The following NDUFB5 variants were observed in gnomAD, a reference collection of about 807,000 sequenced individuals.
The protein encoded by NDUFB5 is NADH:ubiquinone oxidoreductase subunit B5.
A neutral mutation model predicts 19.4 loss-of-function variants in NDUFB5; 19 were observed. The ratio of observed to expected loss-of-function variants is 0.98; its 90% CI spans 0.68 to 1.43. NDUFB5 has a LOEUF of 1.43. NDUFB5 is among the 40% of genes most tolerant of loss of function. The pLI, the probability that NDUFB5 is intolerant of heterozygous loss-of-function variation, is 0.00. For missense variants in NDUFB5, 233 were observed against 236.5 expected (o/e 0.99, Z 0.10); for synonymous variants, 80 against 82.6 (o/e 0.97, Z 0.17).
chr3:179,619,241 A>C (rs1038912210), intron 5 of NDUFB5, among the ~76,000 whole-genome samples: 1 of 138,232 alleles, frequency 7.2e-6, no homozygotes, highest in Non-Finnish European at 1.5e-5. Flanking sequence ...TTTAGGGTAC[A>C]TGTGCACAAC....
intron 3 of NDUFB5, among the ~76,000 whole-genome samples, chr3:179,616,357 A>C (rs529951210): frequency 9.1e-4 from 138 of 152,178 alleles, no homozygotes; most frequent in Non-Finnish European, 1.1e-3. Flanking sequence ...CCTGGCTGAC[A>C]TAGTGAAACC....
At chr3:179,617,162 GCA>G (rs1719403579) in intron 4 of NDUFB5, 118 bp downstream of exon 4, 1 of 714,770 alleles carries the variant, frequency 1.4e-6, no homozygotes, top group Non-Finnish European at 2.3e-6. Flanking sequence ...TTTTGAGACA[GCA>G]TCTCGCTCTG....
intron 4 of NDUFB5, among the ~76,000 whole-genome samples, chr3:179,617,937 T>G (rs1576882980): frequency 6.6e-6 from 1 of 152,244 alleles, no homozygotes; most frequent in Admixed American, 6.5e-5. Flanking sequence ...ATTGTGAGCC[T>G]TGAATGGAGT....
At chr3:179,605,546 A>G (rs1252671711) in intron 1 of NDUFB5, among the ~76,000 whole-genome samples, 1 of 151,656 alleles carries the variant, frequency 6.6e-6, no homozygotes, top group Non-Finnish European at 1.5e-5. Context: ...GCTCACTGCA[A>G]CCTCCGCCTC....
intron 1 of NDUFB5, among the ~76,000 whole-genome samples, chr3:179,612,727 C>T (rs1239148215): frequency 2.0e-5 from 3 of 151,970 alleles, no homozygotes; most frequent in Non-Finnish European, 4.4e-5. Context: ...CCGCCCGCCT[C>T]GGCCTCCCAA....
At chr3:179,613,895 G>C (rs976228938) in intron 1 of NDUFB5, among the ~76,000 whole-genome samples, 1 of 152,188 alleles carries the variant, frequency 6.6e-6, no homozygotes, top group Non-Finnish European at 1.5e-5. Flanking sequence ...TGGGAAAAAT[G>C]TTGGCATCTT....
rs961740435 is a variant in NDUFB5, at chr3:179,623,860, CT to C, written c.450-59del. ...CAGTGATTGTCCTTTATGGAAATGG[CT>C]CATTAAATTTATAATTGGAAGTGCT... is the stretch of plus-strand genomic sequence containing the variant. On this transcript the variant is annotated intron_variant, in intron 5 of 5. Coordinates refer to ENST00000259037, the MANE Select transcript of NDUFB5 (RefSeq NM_002492.4). The C allele has an allele frequency of 3.6e-5, 58 of 1,596,808 alleles. No homozygotes were observed. In the African/African-American group the frequency reaches 7.5e-4, roughly 21 times the overall value.
chr3:179,605,449 TTTTTG>T (rs749042417), intron 1 of NDUFB5, among the ~76,000 whole-genome samples: 3 of 151,196 alleles, frequency 2.0e-5, no homozygotes, highest in East Asian at 1.9e-4. Flanking sequence ...GGAAGAGAGG[TTTTTG>T]TTTTGTTTTG....
intron 1 of NDUFB5, 124 bp from the exon 2 acceptor site, chr3:179,614,847 C>T (rs1427947638): frequency 5.0e-6 from 3 of 597,316 alleles, no homozygotes; most frequent in Non-Finnish European, 8.1e-6. Context: ...GTGTGAAAAC[C>T]CAGTCATCCT....
intron 4 of NDUFB5, chr3:179,618,095 T>TA (rs1719427616): frequency 5.9e-6 from 1 of 168,358 alleles, no homozygotes; most frequent in African/African-American, 2.4e-5. Flanking sequence ...CCTGGGTTTG[T>TA]CTTCTGAATC....
intron 1 of NDUFB5, among the ~76,000 whole-genome samples, chr3:179,610,381 C>T (rs1440353748): frequency 6.6e-6 from 1 of 152,192 alleles, no homozygotes; most frequent in Non-Finnish European, 1.5e-5. Flanking sequence ...GAATGAGCCA[C>T]CATGCCCAGC....
chr3:179,616,483 A>G (rs1719380692), intron 3 of NDUFB5, among the ~76,000 whole-genome samples: 1 of 152,136 alleles, frequency 6.6e-6, no homozygotes, highest in Non-Finnish European at 1.5e-5. Flanking sequence ...TGGAGGTTGC[A>G]GTGAGCTGAG....
chr3:179,605,038 G>A, intron 1 of NDUFB5, 99 bp downstream of exon 1: 1 of 1,411,270 alleles, frequency 7.1e-7, no homozygotes, highest in East Asian at 2.7e-5. Flanking sequence ...GAGGGAGCCG[G>A]GACAAGTTGT....
Position 179,608,384 on chromosome 3 carries a change from G to A in NDUFB5, c.124+3445G>A, listed in dbSNP as rs149852856. On this transcript the variant is annotated intron_variant, in intron 1 of 5. Transcript: ENST00000259037. ...TTTTTTGTATTTTTAGTAGAGATGG[G>A]TTTTCACCATGTTGGCCAGGCTGGT... 4.0e-3 allele frequency among the ~76,000 whole-genome samples: 604 copies of A among 152,076 alleles called. 5 individuals carry two copies. The highest frequency in any genetic ancestry group is 0.014 in the African/African-American group (582 of 41,466).
At position 179,618,467 on chromosome 3, in the gene NDUFB5, T is replaced by C. The variant is rs1490963814; in HGVS notation, c.395T>C (p.Ile132Thr). The C allele has an allele frequency of 2.5e-6, 4 of 1,612,164 alleles. No individual in the cohort carries two copies. The highest frequency in any genetic ancestry group is 1.1e-5 in the South Asian group (1 of 90,496). ...ARNFYDSPEK[I>T]YERTMAVLQI... ...AATTTCTATGATAGTCCTGAAAAGA[T>C]ATATGAAAGAACAATGGCCGTCCTT... The change falls in exon 5 of 6, where the codon ATA becomes ACA. Residue 132 changes from isoleucine to threonine, a missense_variant. Coordinates refer to ENST00000259037, the MANE Select transcript of NDUFB5 (RefSeq NM_002492.4).
chr3:179,612,326 A>C (rs1719264504), intron 1 of NDUFB5, among the ~76,000 whole-genome samples: 1 of 151,870 alleles, frequency 6.6e-6, no homozygotes, highest in African/African-American at 2.4e-5. Flanking sequence ...TCTCTGGAAA[A>C]AAAAAAAAAA....
chr3:179,620,514 C>T (rs1042189988), intron 5 of NDUFB5, among the ~76,000 whole-genome samples: 157 of 152,144 alleles, frequency 1.0e-3, no homozygotes, highest in African/African-American at 3.1e-3. Context: ...TGTAGATATG[C>T]GGCATTATTT....
At chr3:179,618,566 G>A (rs1482033038) in intron 5 of NDUFB5, 45 bp downstream of exon 5, 2 of 1,279,476 alleles carry the variant, frequency 1.6e-6, no homozygotes, top group Admixed American at 2.0e-5. Context: ...TCTTCCTAAG[G>A]TAGCAAACCA....
chr3:179,623,980 CTA>C lies in NDUFB5; in HGVS notation c.512_513del (p.Tyr171Ter), dbSNP rs1560027968. On this transcript the variant is annotated frameshift_variant, in exon 6 of 6. Transcript: ENST00000259037. LOFTEE classifies it high-confidence loss of function. ...TGAGAGGAGATGGACCCTGGTATTA[CTA>C]TGAGACAATTGACAAGGAACTTATT... ...HVRGDGPWYY[Y>X]ETIDKELIDH... 6.2e-7 allele frequency: 1 copy of C among 1,613,926 alleles called. No homozygotes were observed. The highest frequency in any genetic ancestry group is 1.1e-5 in the South Asian group (1 of 91,070).
Sources: allele counts gnomAD v4.1 joint callset (sites outside exome capture counted in the v4.1 genomes callset), GRCh38; gene constraint gnomAD v4.1.1; transcripts MANE v1.5; gene names NCBI Gene and HGNC (gene_info 2026-07-23, HGNC 2026-07-21).